ZNF124: variants seen among roughly 807,000 people sequenced by gnomAD.
ZNF124 encodes the protein zinc finger protein HZF-16.
ZNF124 carries 25 observed loss-of-function variants against 26.6 expected under a neutral mutation model. That is an observed-to-expected ratio of 0.94 (90% CI 0.68 to 1.31). The LOEUF (loss-of-function observed/expected upper bound fraction) is 1.31, where lower values mean the gene tolerates loss of function less well. ZNF124 is among the 40% of genes most tolerant of loss of function. The probability of loss-of-function intolerance (pLI) is 0.00; values close to 1 mark genes in which losing one functional copy is unlikely to be tolerated. For synonymous variants in ZNF124, 129 were observed against 133.3 expected, an observed-to-expected ratio of 0.97 and a Z score of 0.22; for missense variants, 444 against 422.2, an observed-to-expected ratio of 1.05 and a Z score of -0.45.
Position 247,132,889 on chromosome 1 carries a change from G to T in ZNF124, c.219-9018C>A, listed in dbSNP as rs897866558. Among the ~76,000 whole-genome samples the T allele has an allele frequency of 5.9e-5, 9 of 152,242 alleles. No individual in the cohort carries two copies. In the East Asian group the frequency reaches 1.7e-3, roughly 29 times the overall value. On this transcript the variant is annotated intron_variant, in intron 3 of 3. Transcript: ENST00000472531. ...AGAGTTGTGAGCCCTTAAAAGGGAC[G>T]GAATTGCTCACTCAGGGAGCTTGGC...
At chr1:247,124,307 G>A (rs1361546201) in intron 3 of ZNF124, among the ~76,000 whole-genome samples, 2 of 151,724 alleles carry the variant, frequency 1.3e-5, no homozygotes, top group Non-Finnish European at 2.9e-5. Context: ...AGGTTCAAGC[G>A]ATTCTCCTGC....
chr1:247,137,543 T>C (rs976936271), intron 3 of ZNF124, among the ~76,000 whole-genome samples: 7 of 126,018 alleles, frequency 5.6e-5, no homozygotes, highest in African/African-American at 2.0e-4. Context: ...ACTCAGGACA[T>C]AGGCGTGGGC....
At chr1:247,147,645 T>C (rs1672820114) in intron 3 of ZNF124, among the ~76,000 whole-genome samples, 1 of 152,194 alleles carries the variant, frequency 6.6e-6, no homozygotes, top group African/African-American at 2.4e-5. Context: ...TAACAGCTCA[T>C]GCAGGGTGAA....
At chr1:247,151,201 T>C (rs903866823), downstream of ZNF124, among the ~76,000 whole-genome samples, 46 of 151,972 alleles carry the variant, frequency 3.0e-4, no homozygotes, top group African/African-American at 9.4e-4. Context: ...TGTGTTGGGC[T>C]GGGCGCGGTG....
chr1:247,163,189 C>G (rs1278939969), intron 1 of ZNF124, among the ~76,000 whole-genome samples: 1 of 151,866 alleles, frequency 6.6e-6, no homozygotes, highest in African/African-American at 2.4e-5. Flanking sequence ...ATGCCCACAT[C>G]AAAAACTTTG....
chr1:247,130,341 G>T (rs919079174), intron 3 of ZNF124, among the ~76,000 whole-genome samples: 2 of 152,188 alleles, frequency 1.3e-5, no homozygotes, highest in Admixed American at 1.3e-4. Flanking sequence ...CCGAATTCCA[G>T]GGCTTAGCTT....
intron 1 of ZNF124, among the ~76,000 whole-genome samples, chr1:247,165,015 G>A (rs1020045316): frequency 1.2e-4 from 18 of 151,642 alleles, no homozygotes; most frequent in African/African-American, 4.1e-4. Flanking sequence ...CACCCAGGCT[G>A]GAGTGCAGTG....
At chr1:247,133,617 A>C (rs1285386561) in intron 3 of ZNF124, among the ~76,000 whole-genome samples, 3 of 151,766 alleles carry the variant, frequency 2.0e-5, no homozygotes, top group Admixed American at 1.3e-4. Context: ...AAGCCAGAAG[A>C]GATAGGGAGC....
intron 1 of ZNF124, among the ~76,000 whole-genome samples, chr1:247,161,498 T>C (rs1673478300): frequency 6.6e-6 from 1 of 151,948 alleles, no homozygotes; most frequent in South Asian, 2.1e-4. Context: ...GACATATGAA[T>C]AGGAGAAAAG....
At chr1:247,132,899 A>T (rs1403322947) in intron 3 of ZNF124, among the ~76,000 whole-genome samples, 2 of 152,136 alleles carry the variant, frequency 1.3e-5, no homozygotes, top group African/African-American at 4.8e-5. Context: ...GGAATTGCTC[A>T]CTCAGGGAGC....
chr1:247,146,987 C>T (rs1328332465), intron 3 of ZNF124, among the ~76,000 whole-genome samples: 6 of 152,054 alleles, frequency 3.9e-5, no homozygotes, highest in Admixed American at 3.3e-4. Context: ...TCTCTTCATG[C>T]TTCCTCATGG....
At chr1:247,124,208 CTTT>C (rs550995743) in intron 3 of ZNF124, among the ~76,000 whole-genome samples, 1 of 142,058 alleles carries the variant, frequency 7.0e-6, no homozygotes, top group Admixed American at 7.1e-5. Context: ...GATTTTGTGG[CTTT>C]TTTTTTTTTT....
intron 1 of ZNF124, among the ~76,000 whole-genome samples, chr1:247,162,328 GAAAC>G (rs1405485300): frequency 1.3e-5 from 2 of 152,098 alleles, no homozygotes; most frequent in Non-Finnish European, 2.9e-5. Context: ...GCTGGATAGA[GAAAC>G]AAAACCAATC....
intron 2 of ZNF124, among the ~76,000 whole-genome samples, chr1:247,159,396 C>A (rs534860066): frequency 6.6e-6 from 1 of 152,352 alleles, no homozygotes; most frequent in East Asian, 1.9e-4. Flanking sequence ...GCTTCTGCTT[C>A]ATGCCCTGAG....
In ZNF124 at chr1:247,156,739, A is replaced by C. The variant is rs745705280; in HGVS notation, c.883T>G (p.Cys295Gly). 6.2e-7 allele frequency: 1 copy of C among 1,613,144 alleles called. No homozygotes were observed. The highest frequency in any genetic ancestry group is 8.5e-7 in the Non-Finnish European group (1 of 1,179,736). Residue 295 changes from cysteine (C) to glycine (G), a missense_variant, in exon 4 of 4, where the codon TGT (cysteine) becomes GGT (glycine). Coordinates refer to ENST00000543802, the MANE Select transcript of ZNF124 (RefSeq NM_001297568.2). Reference protein sequence around the residue: ...IAQKPYVCNNCGKGFRCSSSL... With the variant: ...IAQKPYVCNNGGKGFRCSSSL... ...CTGGAACATCTGAAGCCTTTACCAC[A>C]ATTGTTACATACATAGGGTTTCTGT...
intron 3 of ZNF124, among the ~76,000 whole-genome samples, chr1:247,147,794 GACAGGGAAGC>G (rs1024810887): frequency 1.3e-5 from 2 of 151,914 alleles, no homozygotes; most frequent in African/African-American, 4.8e-5. Context: ...GCACTTAGGG[GACAGGGAAGC>G]ACAAACACAT....
chr1:247,125,430 CTT>C (rs71566695), intron 3 of ZNF124, among the ~76,000 whole-genome samples: 550 of 43,164 alleles, frequency 0.013, no homozygotes, highest in African/African-American at 0.03. Flanking sequence ...CTGTTTTTGT[CTT>C]TTTTTTTTTT....
intron 3 of ZNF124, among the ~76,000 whole-genome samples, chr1:247,132,880 A>T (rs889163070): frequency 6.6e-6 from 1 of 152,120 alleles, no homozygotes; most frequent in African/African-American, 2.4e-5. Context: ...GTGAGCCCTT[A>T]AAAGGGACGG....
Position 247,157,171 on chromosome 1 carries a change from C to G in ZNF124, c.451G>C (p.Glu151Gln), listed in dbSNP as rs1673196506. The change falls in exon 4 of 4, where the codon GAA becomes CAA. Residue 151 changes from glutamate (E) to glutamine (Q), a missense_variant. By Grantham distance (29) the Glu-to-Gln change is conservative. Coordinates refer to ENST00000543802, the MANE Select transcript of ZNF124 (RefSeq NM_001297568.2). ...AAGGCTTTCCCACATTCCATACATT[C>G]ATAGGGTTTCTCTCCAGTGTGATTT... ...QRNHTGEKPY[E>Q]CMECGKALGF... 1 of 1,614,070 alleles carries G rather than the reference C, an allele frequency of 6.2e-7. No homozygotes were observed. Among genetic ancestry groups the G allele is most frequent in the African/African-American group, 1.3e-5 (1 of 75,060 alleles).
Sources: allele counts gnomAD v4.1 joint callset (sites outside exome capture counted in the v4.1 genomes callset), GRCh38; gene constraint gnomAD v4.1.1; transcripts MANE v1.5; gene names NCBI Gene and HGNC (gene_info 2026-07-23, HGNC 2026-07-21).